The following TRAP1 variants were observed in gnomAD, a reference collection of about 807,000 sequenced individuals.
TRAP1 encodes the protein TNF receptor associated protein 1, also known as heat shock protein 75 kDa, mitochondrial.
A neutral mutation model predicts 89.1 loss-of-function variants in TRAP1; 102 were observed. The ratio of observed to expected loss-of-function variants is 1.15; its 90% CI spans 0.98 to 1.35. TRAP1 has a LOEUF of 1.35. Among genes scored for constraint, TRAP1 ranks in the 40% most tolerant of loss-of-function variants. The pLI is 0.00. For synonymous variants in TRAP1, 508 were observed against 388.0 expected (o/e 1.31, Z -3.64); for missense variants, 1,256 against 945.3 (o/e 1.33, Z -4.31).
intron 6 of TRAP1, chr16:3,676,821 C>T (rs2051002897): frequency 6.6e-6 from 1 of 152,394 alleles, no homozygotes; most frequent in Admixed American, 6.5e-5. Flanking sequence ...TTTGGGAGGC[C>T]AAGACGGGCA....
intron 13 of TRAP1, 134 bp from the exon 14 acceptor site, chr16:3,663,696 T>G (rs908438259): frequency 9.0e-7 from 1 of 1,107,754 alleles, no homozygotes; most frequent in African/African-American, 1.6e-5. Context: ...TTGGGGTTCC[T>G]AGGCCTGCAT....
At chr16:3,708,609 C>A (rs2051483159) in intron 1 of TRAP1, among the ~76,000 whole-genome samples, 1 of 151,864 alleles carries the variant, frequency 6.6e-6, no homozygotes, top group African/African-American at 2.4e-5. Flanking sequence ...TGCACTCCAG[C>A]CTGGGCGACG....
At chr16:3,680,712 C>G (rs2051063497) in intron 4 of TRAP1, among the ~76,000 whole-genome samples, 1 of 152,202 alleles carries the variant, frequency 6.6e-6, no homozygotes, top group South Asian at 2.1e-4. Context: ...GGGGATGGCA[C>G]TGGGAGGGGG....
chr16:3,698,164 G>C (rs1308305579), intron 1 of TRAP1, among the ~76,000 whole-genome samples: 1 of 151,646 alleles, frequency 6.6e-6, no homozygotes, highest in Non-Finnish European at 1.5e-5. Context: ...GTATATAGAA[G>C]TCCTCACAAT....
chr16:3,675,499 C>A, intron 7 of TRAP1, 102 bp from the exon 8 acceptor site: 1 of 1,127,212 alleles, frequency 8.9e-7, no homozygotes. Flanking sequence ...GGGAAGGGTC[C>A]TCCATGCTGT....
intron 1 of TRAP1, among the ~76,000 whole-genome samples, chr16:3,713,855 C>T (rs902819625): frequency 2.6e-5 from 4 of 152,342 alleles, no homozygotes; most frequent in South Asian, 2.1e-4. Context: ...TGGTGGGCCA[C>T]GTGGCTGGGC....
In TRAP1 at chr16:3,662,318, G is replaced by A. The variant is rs566920784; in HGVS notation, c.1795-186C>T. 5.7e-4 allele frequency: 406 copies of A among 714,996 alleles called. 1 individual carries two copies. Among genetic ancestry groups the A allele is most frequent in the South Asian group, 3.3e-3 (169 of 50,930 alleles). The allele number at this position is 714,996 out of a possible 1,614,324, so 44.3% of individuals were successfully genotyped here. On this transcript the variant is annotated intron_variant, in intron 15 of 17. Coordinates refer to ENST00000246957, the MANE Select transcript of TRAP1 (RefSeq NM_016292.3). ...TGTGGGCCCTGAGCTGATGCCCCAC[G>A]CAAAGATACTGTGCCCGAGGGGCTC...
At chr16:3,659,092 C>T (rs1567216651) in intron 16 of TRAP1, 3 of 522,956 alleles carry the variant, frequency 5.7e-6, no homozygotes, top group Non-Finnish European at 1.0e-5. Flanking sequence ...AGCCAAACTC[C>T]AAGATTAATA....
chr16:3,677,824 G>C (rs529593964), intron 5 of TRAP1, 166 bp from the exon 6 acceptor site: 2 of 757,156 alleles, frequency 2.6e-6, no homozygotes, highest in East Asian at 2.8e-5. Flanking sequence ...GTCACAGAGA[G>C]GTGACACATT....
chr16:3,698,490 G>C (rs2151275636), intron 1 of TRAP1, among the ~76,000 whole-genome samples: 1 of 151,954 alleles, frequency 6.6e-6, no homozygotes, highest in African/African-American at 2.4e-5. Context: ...TTTTAGTAGA[G>C]ATGGGGTTTC....
intron 5 of TRAP1, chr16:3,678,424 G>C (rs1003628171): frequency 6.6e-6 from 1 of 152,218 alleles, no homozygotes; most frequent in Admixed American, 6.5e-5. Flanking sequence ...CGTAACGTGG[G>C]GGTCAAGTCA....
Position 3,671,785 on chromosome 16 carries a change from A to G in TRAP1, c.1172T>C (p.Val391Ala), listed in dbSNP as rs11541713. Residue 391 changes from valine to alanine, a missense_variant, in exon 11 of 18, where the codon GTG becomes GCG. Val to Ala is a moderately conservative substitution (Grantham distance 64, BLOSUM62 0). Coordinates refer to ENST00000246957, the MANE Select transcript of TRAP1 (RefSeq NM_016292.3). The stretch of plus-strand genomic sequence containing the variant: ...GTTCAGGGGAATGTCCTCACTGTCC[A>G]CCACACCTGGGAGACACGGCAGTCA... Reference protein sequence around the residue: ...PKWLRFIRGVVDSEDIPLNLS... With the variant: ...PKWLRFIRGVADSEDIPLNLS... 39 of 1,612,124 alleles carry G rather than the reference A, an allele frequency of 2.4e-5. No individual in the cohort carries two copies. Among genetic ancestry groups the G allele is most frequent in the Middle Eastern group, 3.3e-4 (2 of 6,084 alleles).
At chr16:3,687,728 T>C (rs767425846) in intron 3 of TRAP1, among the ~76,000 whole-genome samples, 3 of 151,032 alleles carry the variant, frequency 2.0e-5, no homozygotes, top group Non-Finnish European at 4.4e-5. Context: ...TACAAAAAAA[T>C]ACAAATATCA....
At chr16:3,705,546 CTTT>C (rs1393162265) in intron 1 of TRAP1, among the ~76,000 whole-genome samples, 1 of 152,154 alleles carries the variant, frequency 6.6e-6, no homozygotes, top group African/African-American at 2.4e-5. Context: ...TGTCTGGCTT[CTTT>C]GACTTAGCAT....
chr16:3,695,056 A>T (rs1057093433), intron 1 of TRAP1, among the ~76,000 whole-genome samples: 10 of 151,940 alleles, frequency 6.6e-5, no homozygotes, highest in Non-Finnish European at 1.2e-4. Flanking sequence ...CCCTCTACAC[A>T]TGTCTGTCTG....
intron 1 of TRAP1, among the ~76,000 whole-genome samples, chr16:3,702,013 A>G (rs914961171): frequency 6.6e-6 from 1 of 152,102 alleles, no homozygotes; most frequent in Non-Finnish European, 1.5e-5. Flanking sequence ...GTTCGAGACC[A>G]GCGTGGCCAA....
intron 4 of TRAP1, among the ~76,000 whole-genome samples, chr16:3,684,649 G>T (rs902877955): frequency 6.6e-6 from 1 of 152,038 alleles, no homozygotes; most frequent in Non-Finnish European, 1.5e-5. Flanking sequence ...AATTAGTTGG[G>T]CATCATGGCA....
intron 3 of TRAP1, among the ~76,000 whole-genome samples, chr16:3,688,632 G>A (rs1328090776): frequency 6.6e-6 from 1 of 152,006 alleles, no homozygotes; most frequent in Non-Finnish European, 1.5e-5. Context: ...ACAGGTCAGT[G>A]CCCCCATAGC....
intron 1 of TRAP1, among the ~76,000 whole-genome samples, chr16:3,694,143 G>C (rs1266304290): frequency 6.6e-6 from 1 of 151,990 alleles, no homozygotes; most frequent in Admixed American, 6.6e-5. Context: ...GACCCTCCAG[G>C]CTCTGTCTCT....
Sources: allele counts gnomAD v4.1 joint callset (sites outside exome capture counted in the v4.1 genomes callset), GRCh38; gene constraint gnomAD v4.1.1; transcripts MANE v1.5; gene names NCBI Gene and HGNC (gene_info 2026-07-23, HGNC 2026-07-21).